ZNF573: variants seen among roughly 807,000 people sequenced by gnomAD.
The protein encoded by ZNF573 is zinc finger protein 573.
A neutral mutation model predicts 57.4 loss-of-function variants in ZNF573; 41 were observed. That is an observed-to-expected ratio of 0.71 (90% CI 0.56 to 0.93). ZNF573 has a LOEUF of 0.93. Ranked by LOEUF, ZNF573 falls within the 40% of genes least tolerant of loss-of-function variation. The pLI, the probability that ZNF573 is intolerant of heterozygous loss-of-function variation, is 0.00. For synonymous variants in ZNF573, 249 were observed against 261.0 expected, an observed-to-expected ratio of 0.95 and a Z score of 0.44; for missense variants, 730 against 794.8, an observed-to-expected ratio of 0.92 and a Z score of 0.98.
Position 37,739,126 on chromosome 19 carries a change from C to T in ZNF573, c.1364G>A (p.Arg455Lys). ...AATATTCTGATGTCGAGTAAGATTT[C>T]TATACAAAGTAAAGGTTTTTTTACA... ...KECKKTFTLY[R>K]NLTRHQNIHT... The change falls in exon 5 of 5, where the codon AGA (arginine) becomes AAA (lysine). Residue 455 changes from arginine to lysine, a missense_variant. Coordinates refer to ENST00000536220, the MANE Select transcript of ZNF573 (RefSeq NM_001172690.2). 6.2e-7 allele frequency: 1 copy of T among 1,613,142 alleles called. No individual in the cohort carries two copies. Among genetic ancestry groups the T allele is most frequent in the Non-Finnish European group, 8.5e-7 (1 of 1,179,820 alleles).
At chr19:37,773,252 A>G (rs999599659) in intron 2 of ZNF573, among the ~76,000 whole-genome samples, 2 of 152,230 alleles carry the variant, frequency 1.3e-5, no homozygotes, top group Non-Finnish European at 2.9e-5. Flanking sequence ...ACCAATTGAT[A>G]ACCAAATCCC....
At chr19:37,741,294 T>C (rs185924463) in intron 4 of ZNF573, among the ~76,000 whole-genome samples, 7 of 152,330 alleles carry the variant, frequency 4.6e-5, no homozygotes, top group Non-Finnish European at 1.0e-4. Flanking sequence ...AGACAGAGTC[T>C]TGCTCTGTCA....
At chr19:37,744,724 G>A (rs1599684105) in intron 4 of ZNF573, among the ~76,000 whole-genome samples, 2 of 115,898 alleles carry the variant, frequency 1.7e-5, no homozygotes, top group African/African-American at 6.7e-5. Flanking sequence ...CCAGGCAACA[G>A]AGCAAGACCC....
rs189598355 is a variant in ZNF573 at position 37,739,044 on chromosome 19, G to A, written c.1446C>T (p.Gly482=). 3 of 1,611,734 alleles carry A rather than the reference G, an allele frequency of 1.9e-6. No homozygotes were observed. Among genetic ancestry groups the A allele is most frequent in the Non-Finnish European group, 2.5e-6 (3 of 1,179,328 alleles). ...CQECGKAYST[G]SNLIQHRKTH... ...TTTTCCGATGTTGAATAAGGTTTGA[G>A]CCAGTACTATAGGCCTTCCCACATT... Residue 482 remains glycine, a synonymous_variant, in exon 5 of 5, where the codon GGC becomes GGT. Transcript: ENST00000536220.
rs188599660 is a variant in ZNF573, at chr19:37,749,905, T to C, written c.296-9711A>G. 2.3e-3 allele frequency among the ~76,000 whole-genome samples: 355 copies of C among 152,126 alleles called. 3 individuals carry two copies. The highest frequency in any genetic ancestry group is 7.9e-3 in the African/African-American group (328 of 41,514). On this transcript the variant is annotated intron_variant, in intron 4 of 4. Transcript: ENST00000536220. ...ACTGCAAAATCAACACACAGAAAAC[T>C]TGGACAATTCTATAAGCATTATGTA...
chr19:37,742,548 A>G (rs1465540282), intron 4 of ZNF573, among the ~76,000 whole-genome samples: 1 of 152,226 alleles, frequency 6.6e-6, no homozygotes. Flanking sequence ...CTGATCTTCA[A>G]CAAACCTGCC....
intron 4 of ZNF573, among the ~76,000 whole-genome samples, chr19:37,762,642 A>G (rs1279125496): frequency 1.3e-5 from 2 of 152,156 alleles, no homozygotes; most frequent in Admixed American, 1.3e-4. Flanking sequence ...ACTAGGGGCT[A>G]GATGAAGAGA....
intron 1 of ZNF573, among the ~76,000 whole-genome samples, chr19:37,779,191 G>A (rs566601517): frequency 4.6e-5 from 7 of 152,164 alleles, no homozygotes; most frequent in Admixed American, 3.9e-4. Flanking sequence ...TCCCCGTCAC[G>A]CAAGCACAGC....
intron 4 of ZNF573, among the ~76,000 whole-genome samples, chr19:37,753,906 T>C (rs781663934): frequency 2.2e-4 from 34 of 152,200 alleles, no homozygotes; most frequent in Non-Finnish European, 4.1e-4. Context: ...ATCCAAAGTA[T>C]CTTTCAACTA....
intron 1 of ZNF573, 65 bp from the exon 2 acceptor site, chr19:37,773,816 C>T (rs2145335321): frequency 1.0e-6 from 1 of 987,962 alleles, no homozygotes; most frequent in South Asian, 1.5e-5. Context: ...CTTTCTGCTC[C>T]TCTATTTCTC....
At chr19:37,764,594 C>T (rs971198085) in intron 4 of ZNF573, among the ~76,000 whole-genome samples, 4 of 150,716 alleles carry the variant, frequency 2.7e-5, no homozygotes, top group Non-Finnish European at 5.9e-5. Flanking sequence ...GCTGGCATTA[C>T]AGGCATGAGT....
At chr19:37,771,876 A>C (rs1012672420) in intron 2 of ZNF573, among the ~76,000 whole-genome samples, 180 bp from the exon 3 acceptor site, 14 of 152,078 alleles carry the variant, frequency 9.2e-5, no homozygotes, top group East Asian at 5.8e-4. Flanking sequence ...CCTATTCCTA[A>C]AGGATCCTAT....
chr19:37,769,705 G>A lies in ZNF573; in HGVS notation c.295+300C>T, dbSNP rs568965564. ...CAAGCCACTGCACTCTGGCCCGGGC[G>A]ACAGAGCAAGACTCTGTCTCGGAAA... On this transcript the variant is annotated intron_variant, in intron 4 of 4. Transcript: ENST00000536220. 1.3e-4 allele frequency among the ~76,000 whole-genome samples: 17 copies of A among 126,474 alleles called. No individual in the cohort carries two copies. In the Middle Eastern group the frequency reaches 0.017, roughly 128 times the overall value. The allele number at this position is 126,474 out of a possible 152,430, so 83.0% of individuals were successfully genotyped here. A position where few individuals can be genotyped will look rare whatever the true frequency, so the allele number is the denominator to read the frequency against.
In ZNF573 at chr19:37,739,895, A is replaced by G. The variant is rs1392104511; in HGVS notation, c.595T>C (p.Phe199Leu). ...PYECTECGKN[F>L]RSGYQLTVHQ... is the part of the protein sequence containing the mutation. ...ACAGTCAGCTGATAACCACTTCTAA[A>G]GTTCTTCCCACATTCTGTACATTCA... Residue 199 changes from phenylalanine to leucine, a missense_variant, in exon 5 of 5, where the codon TTT (phenylalanine) becomes CTT (leucine). By Grantham distance (22) the Phe-to-Leu change is conservative (BLOSUM62 0). Transcript: ENST00000536220. 3 of 1,614,080 alleles carry G rather than the reference A, an allele frequency of 1.9e-6. No individual in the cohort carries two copies. Among genetic ancestry groups the G allele is most frequent in the Non-Finnish European group, 2.5e-6 (3 of 1,179,974 alleles).
intron 4 of ZNF573, among the ~76,000 whole-genome samples, chr19:37,765,852 G>C (rs1019423425): frequency 1.3e-5 from 2 of 151,878 alleles, no homozygotes; most frequent in Non-Finnish European, 2.9e-5. Context: ...CAGCCTGGCC[G>C]ACATGGCAAA....
In ZNF573 at chr19:37,770,832, T is replaced by TATATATA. The variant is rs2045649724; in HGVS notation, c.202+731_202+732insTATATAT. 4.3e-5 allele frequency among the ~76,000 whole-genome samples: 4 copies of TATATATA among 93,750 alleles called. 1 individual carries two copies. The highest frequency in any genetic ancestry group is 5.9e-5 in the African/African-American group (1 of 17,082). The allele number at this position is 93,750 out of a possible 152,430, so 61.5% of individuals were successfully genotyped here. ...ACAGTTCTTTCAGGATTAAGTTATT[T>TATATATA]TATATATATATATATATATATATAT... On this transcript the variant is annotated intron_variant, in intron 3 of 4. Coordinates refer to ENST00000536220, the MANE Select transcript of ZNF573 (RefSeq NM_001172690.2).
At chr19:37,753,986 G>A (rs1483573742) in intron 4 of ZNF573, among the ~76,000 whole-genome samples, 3 of 152,114 alleles carry the variant, frequency 2.0e-5, no homozygotes, top group Non-Finnish European at 4.4e-5. Context: ...ATCTTGGCAG[G>A]CTCTTTGGTC....
At chr19:37,767,323 G>T (rs1206799323) in intron 4 of ZNF573, among the ~76,000 whole-genome samples, 1 of 152,090 alleles carries the variant, frequency 6.6e-6, no homozygotes, top group Non-Finnish European at 1.5e-5. Flanking sequence ...CCGCCTCTCG[G>T]GTTCACGCTC....
chr19:37,776,498 G>A (rs1200868534), intron 1 of ZNF573, among the ~76,000 whole-genome samples: 1 of 152,146 alleles, frequency 6.6e-6, no homozygotes, highest in Non-Finnish European at 1.5e-5. Context: ...ATGGATCAAA[G>A]ACTTAAATCT....
Sources: allele counts gnomAD v4.1 joint callset (sites outside exome capture counted in the v4.1 genomes callset), GRCh38; gene constraint gnomAD v4.1.1; transcripts MANE v1.5; gene names NCBI Gene and HGNC (gene_info 2026-07-23, HGNC 2026-07-21).